The following GALNT17 variants were observed in gnomAD, a reference collection of about 807,000 sequenced individuals.
The protein encoded by GALNT17 is polypeptide N-acetylgalactosaminyltransferase 17.
A neutral mutation model predicts 63.7 loss-of-function variants in GALNT17; 29 were observed. The ratio of observed to expected loss-of-function variants is 0.46; its 90% confidence interval spans 0.34 to 0.62. The LOEUF is 0.62. Among genes scored for constraint, GALNT17 ranks in the 20% least tolerant of loss-of-function variants. The pLI, the probability that GALNT17 is intolerant of heterozygous loss-of-function variation, is 0.01. For synonymous variants in GALNT17, 305 were observed against 318.3 expected (o/e 0.96, Z 0.45); for missense variants, 603 against 799.6 (o/e 0.75, Z 2.97).
intron 8 of GALNT17, 61 bp from the exon 9 acceptor site, chr7:71,677,150 C>T (rs1791162758): frequency 1.3e-6 from 2 of 1,556,464 alleles, no homozygotes; most frequent in Non-Finnish European, 8.9e-7. Flanking sequence ...AGAACAGTGA[C>T]TCGGCATCCA....
At chr7:71,359,652 C>T (rs1583887731) in intron 2 of GALNT17, among the ~76,000 whole-genome samples, 1 of 151,420 alleles carries the variant, frequency 6.6e-6, no homozygotes, top group Non-Finnish European at 1.5e-5. Context: ...GGCACCGTCT[C>T]GGCTCACTGC....
intron 2 of GALNT17, among the ~76,000 whole-genome samples, chr7:71,375,441 G>T (rs1040222653): frequency 6.6e-6 from 1 of 152,056 alleles, no homozygotes; most frequent in African/African-American, 2.4e-5. Flanking sequence ...TTCAGAGATG[G>T]TCTCGCTCTG....
At chr7:71,392,860 G>C (rs1793074975) in intron 3 of GALNT17, among the ~76,000 whole-genome samples, 1 of 151,840 alleles carries the variant, frequency 6.6e-6, no homozygotes, top group African/African-American at 2.4e-5. Context: ...AACTAGAAGA[G>C]GAATCTAATA....
chr7:71,165,984 T>C (rs1450600522), intron 1 of GALNT17, among the ~76,000 whole-genome samples: 1 of 152,108 alleles, frequency 6.6e-6, no homozygotes, highest in Non-Finnish European at 1.5e-5. Flanking sequence ...TCTTCACCTC[T>C]TGTTTGCAAG....
At chr7:71,292,143 G>A (rs1381380122) in intron 1 of GALNT17, among the ~76,000 whole-genome samples, 1 of 152,162 alleles carries the variant, frequency 6.6e-6, no homozygotes, top group African/African-American at 2.4e-5. Context: ...TTCTGCAGTG[G>A]GATTCCGGGA....
intron 9 of GALNT17, among the ~76,000 whole-genome samples, chr7:71,679,880 T>C (rs981162678): frequency 6.7e-6 from 1 of 149,856 alleles, no homozygotes; most frequent in Non-Finnish European, 1.5e-5. Context: ...CTTCCTTTTT[T>C]TCTTTTTCCC....
intron 5 of GALNT17, among the ~76,000 whole-genome samples, chr7:71,524,311 ATAAC>A (rs1341687568): frequency 1.3e-5 from 2 of 148,286 alleles, no homozygotes; most frequent in African/African-American, 4.9e-5. Context: ...AACTATTACT[ATAAC>A]TAGTACTATT....
rs553647255 is a variant in GALNT17, at chr7:71,187,308, G to A, written c.238+54268G>A. Among the ~76,000 whole-genome samples, 4 of 148,166 alleles carry A rather than the reference G, an allele frequency of 2.7e-5. No individual in the cohort carries two copies. In the South Asian group the frequency reaches 8.6e-4, roughly 32 times the overall value. ...TTTCTTTTTTTTTTTTTTTGTAGAG[G>A]TGGGCGTATTGCTGTGTTGCCCAGG... On this transcript the variant is annotated intron_variant, in intron 1 of 10. Transcript: ENST00000333538.
In GALNT17 at chr7:71,135,586, A is replaced by G. The variant is rs80227466; in HGVS notation, c.238+2546A>G. Among the ~76,000 whole-genome samples, 159 of 152,350 alleles carry G rather than the reference A, an allele frequency of 1.0e-3. 4 individuals carry two copies. The East Asian group carries it at 0.028, about 27-fold the overall frequency. On this transcript the variant is annotated intron_variant, in intron 1 of 10. Coordinates refer to ENST00000333538, the MANE Select transcript of GALNT17 (RefSeq NM_022479.3). ...CAGTGTCTTGATCTTCAGCATGTGC[A>G]TCAGAATCACTGAAGAGCCCTTTAA...
chr7:71,579,252 G>T (rs1471207107), intron 6 of GALNT17, among the ~76,000 whole-genome samples: 2 of 152,154 alleles, frequency 1.3e-5, no homozygotes, highest in African/African-American at 4.8e-5. Flanking sequence ...TCACAAACTG[G>T]TCTTTCATGG....
At chr7:71,172,415 C>T (rs538577525) in intron 1 of GALNT17, among the ~76,000 whole-genome samples, 2 of 150,992 alleles carry the variant, frequency 1.3e-5, no homozygotes, top group East Asian at 3.9e-4. Context: ...TATGATCTCA[C>T]CACCACTGTA....
intron 3 of GALNT17, among the ~76,000 whole-genome samples, chr7:71,409,207 C>A (rs1793387581): frequency 6.6e-6 from 1 of 152,010 alleles, no homozygotes; most frequent in African/African-American, 2.4e-5. Flanking sequence ...ATGGACAGGG[C>A]AACACTGGGA....
intron 9 of GALNT17, among the ~76,000 whole-genome samples, chr7:71,704,585 A>G (rs961964248): frequency 6.6e-6 from 1 of 152,096 alleles, no homozygotes; most frequent in Non-Finnish European, 1.5e-5. Flanking sequence ...AAAAAGAACA[A>G]AGTTGCAAGA....
intron 6 of GALNT17, among the ~76,000 whole-genome samples, chr7:71,582,708 A>G (rs1164312591): frequency 6.6e-6 from 1 of 152,240 alleles, no homozygotes; most frequent in Non-Finnish European, 1.5e-5. Flanking sequence ...AAGTGAAGTA[A>G]CTCAGGAATG....
chr7:71,525,261 C>T (rs1450740770), intron 5 of GALNT17, among the ~76,000 whole-genome samples: 2 of 152,088 alleles, frequency 1.3e-5, no homozygotes, highest in South Asian at 2.1e-4. Context: ...CTGCAACCTC[C>T]GCCTCCCGGG....
intron 4 of GALNT17, among the ~76,000 whole-genome samples, chr7:71,417,657 A>G (rs1032104744): frequency 2.6e-5 from 4 of 152,140 alleles, no homozygotes; most frequent in African/African-American, 9.7e-5. Flanking sequence ...GATGCATGCT[A>G]CAGTTTGAGA....
intron 9 of GALNT17, among the ~76,000 whole-genome samples, chr7:71,699,040 C>T (rs1333168075): frequency 2.6e-5 from 4 of 151,614 alleles, no homozygotes; most frequent in African/African-American, 7.3e-5. Flanking sequence ...GGCATGGCAG[C>T]GTGTGCCTGT....
rs143520812 is a variant in GALNT17 at position 71,339,886 on chromosome 7, A to G, written c.422+4153A>G. Among the ~76,000 whole-genome samples, 128 of 152,266 alleles carry G rather than the reference A, an allele frequency of 8.4e-4. 1 individual carries two copies. The highest frequency in any genetic ancestry group is 3.1e-3 in the African/African-American group (128 of 41,552). On this transcript the variant is annotated intron_variant, in intron 2 of 10. Transcript: ENST00000333538. ...TGAACCTTCCTGAAACCCTATTAAA[A>G]TGATAGCAAAGGAATAGAGAGAATG...
At position 71,712,295 on chromosome 7, in the gene GALNT17, C is replaced by G. The variant is rs1361770429; in HGVS notation, c.*149C>G. Reference sequence around the variant, plus strand: ...GCTTCTCCAGGGCAGCACAGGGACCCCGGATGAAGACTCTGTCCCCCCTCA... The same window carrying G: ...GCTTCTCCAGGGCAGCACAGGGACCGCGGATGAAGACTCTGTCCCCCCTCA... On this transcript the variant is annotated 3_prime_UTR_variant, in exon 11 of 11. Transcript: ENST00000333538. 9.6e-7 allele frequency: 1 copy of G among 1,037,854 alleles called. No homozygotes were observed. Among genetic ancestry groups the G allele is most frequent in the African/African-American group, 1.6e-5 (1 of 61,418 alleles). 64.3% of individuals were successfully genotyped at this position (1,037,854 alleles called of 1,614,324 possible).
Sources: gnomAD v4.1 joint callset for allele counts (sites outside exome capture counted in the v4.1 genomes callset) on GRCh38, gnomAD v4.1.1 for gene constraint, MANE v1.5 for transcripts, NCBI Gene and HGNC (gene_info 2026-07-23, HGNC 2026-07-21) for gene names.